Variants in PPM1E observed in about 807,000 individuals in gnomAD.
PPM1E encodes protein phosphatase 1E.
In PPM1E, 20 loss-of-function variants were observed where a neutral mutation model predicts 65.9. The observed-to-expected ratio is 0.30, with a 90% CI of 0.21 to 0.44. PPM1E has a LOEUF of 0.44. Ranked by LOEUF, PPM1E falls within the 20% of genes least tolerant of loss-of-function variation. PPM1E has a pLI of 1.00. For missense variants in PPM1E, 713 were observed against 953.1 expected (o/e 0.75, Z 3.32); for synonymous variants, 352 against 374.9 (o/e 0.94, Z 0.70).
intron 1 of PPM1E, among the ~76,000 whole-genome samples, chr17:58,772,101 A>G (rs1347243816): frequency 6.6e-6 from 1 of 152,168 alleles, no homozygotes; most frequent in Non-Finnish European, 1.5e-5. Context: ...ATTTGAACTC[A>G]GGTGTGTCTG....
At chr17:58,971,095 T>TA (rs2030584456) in intron 4 of PPM1E, among the ~76,000 whole-genome samples, 1 of 152,112 alleles carries the variant, frequency 6.6e-6, no homozygotes, top group Non-Finnish European at 1.5e-5. Context: ...TTCTCCTTCT[T>TA]ATGCTTCCAT....
intron 6 of PPM1E, among the ~76,000 whole-genome samples, chr17:58,976,295 T>C (rs2030990431): frequency 6.6e-6 from 1 of 152,072 alleles, no homozygotes. Context: ...AAACAGTGCA[T>C]GTGTGGCAAG....
intron 1 of PPM1E, among the ~76,000 whole-genome samples, chr17:58,808,597 AAG>A (rs1445638767): frequency 2.6e-5 from 4 of 152,056 alleles, no homozygotes; most frequent in Non-Finnish European, 4.4e-5. Context: ...GAGAGAGAAA[AAG>A]AGTATAAAAT....
intron 1 of PPM1E, among the ~76,000 whole-genome samples, chr17:58,765,591 G>C (rs2058000318): frequency 6.6e-6 from 1 of 152,074 alleles, no homozygotes; most frequent in African/African-American, 2.4e-5. Context: ...AAAAGATTGA[G>C]AGTATTCTTA....
Position 58,980,396 on chromosome 17 carries a change from C to G in PPM1E, c.1633C>G (p.Arg545Gly). 1.2e-6 allele frequency: 2 copies of G among 1,614,092 alleles called. No individual in the cohort carries two copies. The highest frequency in any genetic ancestry group is 1.7e-6 in the Non-Finnish European group (2 of 1,180,016). The change falls in exon 7 of 7, where the codon CGT (arginine) becomes GGT (glycine). Residue 545 changes from arginine to glycine, a missense_variant. Physicochemically the swap from Arg to Gly is moderately radical, Grantham distance 125. Around this residue, in one of 6 missense-constraint regions of PPM1E, gnomAD observed 286 missense variants for 313.8 expected, o/e 0.91. Coordinates refer to ENST00000308249, the MANE Select transcript of PPM1E (RefSeq NM_014906.5). The surrounding 1 kb of genome is among the most constrained non-coding windows in gnomAD (Gnocchi z 4.7). ...ACCAGCCGACCTAGGCTATGATGGGCGTGTGGATTCATTCACTGATAGAAC... is the reference window on the plus strand; with the variant it reads ...ACCAGCCGACCTAGGCTATGATGGGGGTGTGGATTCATTCACTGATAGAAC... ...SAPADLGYDGRVDSFTDRTSL... is the reference protein window; with the variant it reads ...SAPADLGYDGGVDSFTDRTSL...
intron 3 of PPM1E, among the ~76,000 whole-genome samples, chr17:58,967,542 G>A (rs1209564445): frequency 1.4e-5 from 2 of 147,938 alleles, no homozygotes; most frequent in Non-Finnish European, 3.0e-5. Flanking sequence ...AGAGAGAGAG[G>A]GAGGGAGGAC....
intron 1 of PPM1E, among the ~76,000 whole-genome samples, chr17:58,858,099 T>G (rs1246402294): frequency 6.6e-6 from 1 of 152,180 alleles, no homozygotes; most frequent in Non-Finnish European, 1.5e-5. Context: ...ATGCTCTTGA[T>G]TCCTCCTTAA....
rs117859920 is a variant in PPM1E, at chr17:58,785,840, T to C, written c.464+29379T>C. ...CTTTTCCATCTTAACTGAGCACTTATCACACACTGTGGCTATAACTTTTGC... is the reference window on the plus strand; with the variant it reads ...CTTTTCCATCTTAACTGAGCACTTACCACACACTGTGGCTATAACTTTTGC... On this transcript the variant is annotated intron_variant, in intron 1 of 6. Transcript: ENST00000308249. 8.5e-5 allele frequency among the ~76,000 whole-genome samples: 13 copies of C among 152,080 alleles called. No homozygotes were observed. In the East Asian group the frequency reaches 2.5e-3, roughly 29 times the overall value.
At chr17:58,965,442 C>A (rs1330928362) in intron 2 of PPM1E, among the ~76,000 whole-genome samples, 1 of 152,026 alleles carries the variant, frequency 6.6e-6, no homozygotes, top group East Asian at 1.9e-4. Flanking sequence ...AGGAATAGGT[C>A]CAGCCCTGGC....
At chr17:58,918,355 A>G (rs2051709555) in intron 1 of PPM1E, among the ~76,000 whole-genome samples, 1 of 152,204 alleles carries the variant, frequency 6.6e-6, no homozygotes, top group Non-Finnish European at 1.5e-5. Flanking sequence ...TTTATCAGGT[A>G]GCGATTACTT....
chr17:58,759,503 A>G (rs1212667846), intron 1 of PPM1E, among the ~76,000 whole-genome samples: 3 of 152,248 alleles, frequency 2.0e-5, no homozygotes, highest in Non-Finnish European at 1.5e-5. Flanking sequence ...TAATTTCTCT[A>G]TACACTACTA....
At chr17:58,772,973 T>TG (rs2049955152) in intron 1 of PPM1E, among the ~76,000 whole-genome samples, 1 of 97,932 alleles carries the variant, frequency 1.0e-5, no homozygotes, top group Non-Finnish European at 2.3e-5. Flanking sequence ...TCTTTCTCTC[T>TG]CTTTTTTTTT....
rs1473700511 is a variant in PPM1E, at chr17:58,825,259, CACACAA to C, written c.464+68800_464+68805del. On this transcript the variant is annotated intron_variant, in intron 1 of 6. Coordinates refer to ENST00000308249, the MANE Select transcript of PPM1E (RefSeq NM_014906.5). Reference sequence around the variant, plus strand: ...ACACACACACACACACACACACACACACACAAAAATAAATAGAATGAAATATCTGGC... The same window carrying C: ...ACACACACACACACACACACACACACAAATAAATAGAATGAAATATCTGGC... Among the ~76,000 whole-genome samples the C allele has an allele frequency of 3.6e-3, 525 of 146,870 alleles. 3 individuals are homozygous for C. Among genetic ancestry groups the C allele is most frequent in the African/African-American group, 0.012 (494 of 40,254 alleles).
Position 58,827,576 on chromosome 17 carries a change from G to A in PPM1E, c.464+71115G>A, listed in dbSNP as rs1204513323. 5.9e-5 allele frequency among the ~76,000 whole-genome samples: 9 copies of A among 152,086 alleles called. No homozygotes were observed. The East Asian group carries it at 1.7e-3, about 29-fold the overall frequency. ...CAGATATTCTGTTACAGTGGGTCTA[G>A]GAGTGGGACATGAGAACCTATAAAT... On this transcript the variant is annotated intron_variant, in intron 1 of 6. Coordinates refer to ENST00000308249, the MANE Select transcript of PPM1E (RefSeq NM_014906.5).
rs748920174 is a variant in PPM1E at position 58,980,042 on chromosome 17, G to A, written c.1279G>A (p.Glu427Lys). 3 of 1,614,122 alleles carry A rather than the reference G, an allele frequency of 1.9e-6. No individual in the cohort carries two copies. Among genetic ancestry groups the A allele is most frequent in the Non-Finnish European group, 2.5e-6 (3 of 1,180,018 alleles). The change falls in exon 7 of 7, where the codon GAA (glutamate) becomes AAA (lysine). Residue 427 changes from glutamate (E) to lysine (K), a missense_variant. By Grantham distance (56) the Glu-to-Lys change is moderately conservative. Around this residue, in one of 6 missense-constraint regions of PPM1E, gnomAD observed 88 missense variants for 231.1 expected, o/e 0.38. Coordinates refer to ENST00000308249, the MANE Select transcript of PPM1E (RefSeq NM_014906.5). The surrounding 1 kb of genome is among the most constrained non-coding windows in gnomAD (Gnocchi z 4.7). The stretch of plus-strand genomic sequence containing the variant: ...TGCCTCCACTGTTCTGGATGGGACC[G>A]AAGACTACCTCATTCTGGCCTGTGA... Reference protein sequence around the residue: ...DSASTVLDGTEDYLILACDGF... With the variant: ...DSASTVLDGTKDYLILACDGF...
intron 1 of PPM1E, among the ~76,000 whole-genome samples, chr17:58,954,381 G>A (rs62083436): frequency 0.18 from 27,977 of 151,962 alleles, 2,735 homozygotes; most frequent in Non-Finnish European, 0.21. Flanking sequence ...TATGTCTGAC[G>A]ATGGCACTGT....
chr17:58,967,944 C>T (rs1302924550), intron 3 of PPM1E, among the ~76,000 whole-genome samples: 1 of 152,028 alleles, frequency 6.6e-6, no homozygotes, highest in Non-Finnish European at 1.5e-5. Flanking sequence ...GCTGGGAGTA[C>T]AGGCGCGTGC....
chr17:58,765,800 G>A (rs2049868541), intron 1 of PPM1E, among the ~76,000 whole-genome samples: 2 of 150,524 alleles, frequency 1.3e-5, no homozygotes, highest in African/African-American at 4.9e-5. Context: ...TACCATTGTT[G>A]TCTTTTATGG....
Position 58,756,398 on chromosome 17 carries a change from G to A in PPM1E, c.401G>A (p.Arg134His). Residue 134 changes from arginine (R) to histidine (H), a missense_variant, in exon 1 of 7, where the codon CGC becomes CAC. By Grantham distance (29) the Arg-to-His change is conservative. Coordinates refer to ENST00000308249, the MANE Select transcript of PPM1E (RefSeq NM_014906.5). ...CCGCTCCCGCGACCGCTGTCAGAGC[G>A]CATCACCCGCGAGGAGGTGGAGGGC... ...LPPLPRPLSE[R>H]ITREEVEGES... 2 of 1,362,028 alleles carry A rather than the reference G, an allele frequency of 1.5e-6. No homozygotes were observed. Among genetic ancestry groups the A allele is most frequent in the South Asian group, 2.0e-5 (1 of 49,498 alleles). 84.4% of individuals were successfully genotyped at this position (1,362,028 alleles called of 1,614,324 possible).
Sources: allele counts gnomAD v4.1 joint callset (sites outside exome capture counted in the v4.1 genomes callset), GRCh38; gene constraint gnomAD v4.1.1; regional missense constraint gnomAD v4.1.1; non-coding constraint Gnocchi (gnomAD v3.1); transcripts MANE v1.5; gene names NCBI Gene and HGNC (gene_info 2026-07-23, HGNC 2026-07-21).